The following SLC13A3 variants were observed in gnomAD, a reference collection of about 807,000 sequenced individuals.
SLC13A3 encodes the protein Na(+)/dicarboxylate cotransporter 3.
Under a neutral mutation model 59.0 loss-of-function variants are expected in SLC13A3, and 40 were observed. The ratio of observed to expected loss-of-function variants is 0.68; its 90% CI spans 0.53 to 0.88. The LOEUF is 0.88. Ranked by LOEUF, SLC13A3 falls within the 40% of genes least tolerant of loss-of-function variation. The probability of loss-of-function intolerance (pLI) is 0.00; values close to 1 mark genes in which losing one functional copy is unlikely to be tolerated. For missense variants in SLC13A3, 699 were observed against 783.2 expected, an observed-to-expected ratio of 0.89 and a Z score of 1.28; for synonymous variants, 317 against 330.3, an observed-to-expected ratio of 0.96 and a Z score of 0.44.
intron 3 of SLC13A3, among the ~76,000 whole-genome samples, chr20:46,600,428 AAGGAAGG>A (rs2062368545): frequency 7.1e-6 from 1 of 141,686 alleles, no homozygotes; most frequent in Non-Finnish European, 1.5e-5. Context: ...GAAGGAAAGG[AAGGAAGG>A]AAGGAAGGAA....
At chr20:46,680,023 C>T (rs2063146739) in intron 1 of SLC13A3, among the ~76,000 whole-genome samples, 1 of 152,168 alleles carries the variant, frequency 6.6e-6, no homozygotes, top group South Asian at 2.1e-4. Flanking sequence ...CCTCTACTCC[C>T]CCATCTGTAA....
At chr20:46,646,030 T>G (rs1376845022) in intron 1 of SLC13A3, among the ~76,000 whole-genome samples, 9 of 152,168 alleles carry the variant, frequency 5.9e-5, no homozygotes, top group African/African-American at 1.9e-4. Flanking sequence ...TTCACTCCAT[T>G]CTGGGGTGCA....
chr20:46,560,415 T>G (rs2061921064), intron 12 of SLC13A3, among the ~76,000 whole-genome samples: 1 of 152,164 alleles, frequency 6.6e-6, no homozygotes, highest in Non-Finnish European at 1.5e-5. Flanking sequence ...CCCCATTCAT[T>G]GATGGCCTCT....
intron 9 of SLC13A3, among the ~76,000 whole-genome samples, chr20:46,577,379 C>T (rs762997108): frequency 1.3e-4 from 20 of 152,216 alleles, no homozygotes; most frequent in Non-Finnish European, 2.8e-4. Flanking sequence ...CCAAATGCAA[C>T]ATACACTTAA....
chr20:46,618,794 G>A (rs901541887), intron 1 of SLC13A3, among the ~76,000 whole-genome samples: 3 of 152,138 alleles, frequency 2.0e-5, no homozygotes, highest in East Asian at 1.9e-4. Context: ...ACAGTCCTCC[G>A]TCTCTCGCTT....
intron 1 of SLC13A3, among the ~76,000 whole-genome samples, chr20:46,666,867 C>T (rs563486172): frequency 6.6e-6 from 1 of 152,138 alleles, no homozygotes; most frequent in African/African-American, 2.4e-5. Flanking sequence ...TAACTTATAT[C>T]TATTTAAGTT....
chr20:46,676,200 C>T (rs369151960), intron 1 of SLC13A3: 3 of 152,198 alleles, frequency 2.0e-5, no homozygotes, highest in African/African-American at 7.2e-5. Context: ...CAAGCCACCA[C>T]CTGGCCTCAC....
Position 46,560,217 on chromosome 20 carries a change from A to AGAG in SLC13A3, c.1633-22_1633-20dup. On this transcript the variant is annotated intron_variant, in intron 12 of 12. Transcript: ENST00000279027. ...TCCGCACCTGAAATAGAGCCCAGAC[A>AGAG]GAGGGAGGGGTCAGCACCTGACCCA... 1 of 1,613,472 alleles carries AGAG rather than the reference A, an allele frequency of 6.2e-7. No individual in the cohort carries two copies. Among genetic ancestry groups the AGAG allele is most frequent in the East Asian group, 2.2e-5 (1 of 44,884 alleles).
At position 46,575,469 on chromosome 20, in the gene SLC13A3, C is replaced by T. The variant is rs2062066017; in HGVS notation, c.1332+104G>A. 3.5e-5 allele frequency: 20 copies of T among 573,200 alleles called. 1 individual carries two copies. The South Asian group carries it at 3.9e-4, about 11-fold the overall frequency. 35.5% of individuals were successfully genotyped at this position (573,200 alleles called of 1,614,324 possible). On this transcript the variant is annotated intron_variant, in intron 10 of 12. Transcript: ENST00000279027. ...GGAAACTGGCTGTGCCCCCAGGGCCCGTGCAGCTCACCTGCTCTGATCCTG... is the reference window on the plus strand; with the variant it reads ...GGAAACTGGCTGTGCCCCCAGGGCCTGTGCAGCTCACCTGCTCTGATCCTG...
At chr20:46,642,182 T>C (rs2062851803) in intron 1 of SLC13A3, among the ~76,000 whole-genome samples, 1 of 152,246 alleles carries the variant, frequency 6.6e-6, no homozygotes, top group South Asian at 2.1e-4. Flanking sequence ...TTGATAATGC[T>C]GATTTCTGTG....
upstream of SLC13A3, chr20:46,651,577 T>G (rs1379160986): frequency 4.6e-6 from 6 of 1,293,964 alleles, no homozygotes; most frequent in East Asian, 6.3e-5. Context: ...CCTGCGCCCC[T>G]GGGACCGGGT....
upstream of SLC13A3, among the ~76,000 whole-genome samples, chr20:46,674,595 G>GCA (rs1380837443): frequency 4.5e-5 from 4 of 88,690 alleles, no homozygotes; most frequent in African/African-American, 1.6e-4. Context: ...GAGTGCGCGC[G>GCA]CGCGCGCGCG....
At chr20:46,684,065 A>G (rs2063167096) in intron 1 of SLC13A3, among the ~76,000 whole-genome samples, 1 of 152,048 alleles carries the variant, frequency 6.6e-6, no homozygotes, top group African/African-American at 2.4e-5. Flanking sequence ...CGCCTCTCCC[A>G]TCTCATGTTC....
intron 1 of SLC13A3, among the ~76,000 whole-genome samples, chr20:46,624,813 G>T (rs932196092): frequency 2.6e-5 from 4 of 152,212 alleles, no homozygotes; most frequent in Non-Finnish European, 5.9e-5. Context: ...GTTCTGAAGT[G>T]AGAATTTCAG....
At chr20:46,596,472 G>T in intron 4 of SLC13A3, 130 bp from the exon 5 acceptor site, 1 of 730,948 alleles carries the variant, frequency 1.4e-6, no homozygotes. Flanking sequence ...CCGTAACAAG[G>T]TGCAACTCTT....
chr20:46,645,088 G>T (rs1350389383), intron 1 of SLC13A3, among the ~76,000 whole-genome samples: 1 of 152,144 alleles, frequency 6.6e-6, no homozygotes, highest in Non-Finnish European at 1.5e-5. Flanking sequence ...TCCATGCCTT[G>T]CCTGTTCCAG....
At chr20:46,659,717 C>T (rs554781120) in intron 1 of SLC13A3, among the ~76,000 whole-genome samples, 14 of 148,248 alleles carry the variant, frequency 9.4e-5, no homozygotes, top group South Asian at 4.3e-4. Flanking sequence ...CCCTATCCCC[C>T]CCCCCCAAAA....
chr20:46,643,171 T>C (rs1299826257), intron 1 of SLC13A3, among the ~76,000 whole-genome samples: 3 of 151,634 alleles, frequency 2.0e-5, no homozygotes, highest in Non-Finnish European at 4.4e-5. Context: ...TCCCTGCCCT[T>C]GTGAGCTTAT....
In SLC13A3 at chr20:46,563,533, G is replaced by A. The variant is rs770156590; in HGVS notation, c.1513C>T (p.His505Tyr). ...LAELAIRLRV[H>Y]PLYLMIPGTV... ...CCCGGAATCATCAGATACAGGGGGT[G>A]CACTCTCAGGCGGATGGCCTGGGCC... The change falls in exon 12 of 13, where the codon CAC becomes TAC. Residue 505 changes from histidine to tyrosine, a missense_variant. His to Tyr is a moderately conservative substitution (Grantham distance 83). Transcript: ENST00000279027. The A allele has an allele frequency of 1.9e-6, 3 of 1,613,866 alleles. No individual in the cohort carries two copies. The highest frequency in any genetic ancestry group is 1.1e-5 in the South Asian group (1 of 90,978).
Sources: gnomAD v4.1 joint callset for allele counts (sites outside exome capture counted in the v4.1 genomes callset) on GRCh38, gnomAD v4.1.1 for gene constraint, MANE v1.5 for transcripts, NCBI Gene and HGNC (gene_info 2026-07-23, HGNC 2026-07-21) for gene names.